The following AFG2A variants were observed in gnomAD, a reference collection of about 807,000 sequenced individuals.
AFG2A encodes AAA ATPase AFG2A, also known as ATPase family gene 2 protein homolog A.
At chr4:123,096,170 G>A in the AFG2A span, among the ~76,000 whole-genome samples, 2 of 152,002 alleles carry the variant, frequency 1.3e-5, no homozygotes, top group East Asian at 1.9e-4. Flanking sequence ...CTAAGTCCCC[G>A]AGGCTTTTTT....
the AFG2A span, among the ~76,000 whole-genome samples, chr4:123,168,484 A>G: frequency 6.6e-6 from 1 of 152,126 alleles, no homozygotes; most frequent in Non-Finnish European, 1.5e-5. Context: ...GAAACATGCC[A>G]TTTCTCCTAG....
At chr4:123,014,672 G>GA in the AFG2A span, among the ~76,000 whole-genome samples, 2 of 151,428 alleles carry the variant, frequency 1.3e-5, no homozygotes, top group African/African-American at 4.9e-5. Context: ...TATACAGTTT[G>GA]AAAAAAAATT....
chr4:122,924,790 C>G, the AFG2A span, among the ~76,000 whole-genome samples: 1 of 151,898 alleles, frequency 6.6e-6, no homozygotes, highest in Admixed American at 6.6e-5. Flanking sequence ...GTGGTGAAGA[C>G]TTTAAAATTT....
the AFG2A span, among the ~76,000 whole-genome samples, chr4:123,045,805 T>C: frequency 7.9e-5 from 12 of 152,200 alleles, no homozygotes; most frequent in East Asian, 1.5e-3. Context: ...TATATAAATA[T>C]CCTGTTTTGG....
At chr4:122,923,116 C>T in the AFG2A span, 2 of 1,612,662 alleles carry the variant, frequency 1.2e-6, no homozygotes, top group African/African-American at 1.3e-5. Flanking sequence ...GGCTTTTCTA[C>T]TGCTTCGGCT....
At chr4:122,989,658 G>T in the AFG2A span, among the ~76,000 whole-genome samples, 1 of 152,054 alleles carries the variant, frequency 6.6e-6, no homozygotes, top group Non-Finnish European at 1.5e-5. Flanking sequence ...AGTCTGCAGG[G>T]ATCCATCCTG....
the AFG2A span, among the ~76,000 whole-genome samples, chr4:123,008,360 C>T: frequency 6.6e-6 from 1 of 152,182 alleles, no homozygotes; most frequent in African/African-American, 2.4e-5. Flanking sequence ...ACAATCCAGA[C>T]AGCTCTCACC....
At chr4:123,118,328 T>C in the AFG2A span, among the ~76,000 whole-genome samples, 1 of 94,176 alleles carries the variant, frequency 1.1e-5, no homozygotes, top group Non-Finnish European at 2.3e-5. Context: ...ATATTATATA[T>C]AATATATATA....
chr4:122,960,766 T>G, the AFG2A span, among the ~76,000 whole-genome samples: 4 of 152,232 alleles, frequency 2.6e-5, no homozygotes, highest in Non-Finnish European at 5.9e-5. Flanking sequence ...TGTCCAGTGT[T>G]CTGAGATATT....
the AFG2A span, among the ~76,000 whole-genome samples, chr4:123,123,593 A>C: frequency 6.6e-6 from 1 of 152,168 alleles, no homozygotes; most frequent in Non-Finnish European, 1.5e-5. Flanking sequence ...CCATCAGAGA[A>C]ATGCAAATCA....
the AFG2A span, among the ~76,000 whole-genome samples, chr4:123,223,010 T>G: frequency 6.6e-6 from 1 of 152,204 alleles, no homozygotes; most frequent in African/African-American, 2.4e-5. Context: ...AGGGTGCTAA[T>G]ATGTCTTTGA....
the AFG2A span, among the ~76,000 whole-genome samples, chr4:123,008,042 AT>A: frequency 2.0e-5 from 3 of 152,084 alleles, no homozygotes; most frequent in African/African-American, 7.2e-5. Flanking sequence ...TTGCTATAGA[AT>A]TTAGTATTGC....
At chr4:123,080,742 T>C in the AFG2A span, among the ~76,000 whole-genome samples, 2 of 152,170 alleles carry the variant, frequency 1.3e-5, no homozygotes, top group African/African-American at 4.8e-5. Context: ...AAAGTTTTTT[T>C]CATCCGGTGA....
chr4:122,951,307 T>C, the AFG2A span, among the ~76,000 whole-genome samples: 1 of 152,108 alleles, frequency 6.6e-6, no homozygotes, highest in East Asian at 1.9e-4. Context: ...ATAGGCTACA[T>C]GCAAATACTG....
chr4:123,020,496 G>A, the AFG2A span, among the ~76,000 whole-genome samples: 1 of 151,670 alleles, frequency 6.6e-6, no homozygotes, highest in African/African-American at 2.4e-5. Context: ...AGCCTCCCGA[G>A]TAGCGGAGTT....
chr4:123,036,742 A>G, the AFG2A span, among the ~76,000 whole-genome samples: 2 of 152,190 alleles, frequency 1.3e-5, no homozygotes, highest in South Asian at 4.1e-4. Context: ...AATAGAATGA[A>G]TGAATTTGGG....
chr4:123,051,262 A>G, the AFG2A span, among the ~76,000 whole-genome samples: 4 of 151,018 alleles, frequency 2.6e-5, no homozygotes, highest in African/African-American at 7.3e-5. Flanking sequence ...TAGTGTATAT[A>G]TTATAGTTTT....
chr4:123,209,308 G>A, the AFG2A span, among the ~76,000 whole-genome samples: 1 of 152,142 alleles, frequency 6.6e-6, no homozygotes, highest in Non-Finnish European at 1.5e-5. Flanking sequence ...CCTATCAGGT[G>A]TATGTTGCAG....
chr4:123,204,402 G>C, the AFG2A span, among the ~76,000 whole-genome samples: 1 of 152,160 alleles, frequency 6.6e-6, no homozygotes, highest in African/African-American at 2.4e-5. Flanking sequence ...TCATATTCTA[G>C]TAGGTATGTA....
Sources: allele counts gnomAD v4.1 joint callset (sites outside exome capture counted in the v4.1 genomes callset), GRCh38; gene constraint gnomAD v4.1.1; transcripts MANE v1.5; gene names NCBI Gene and HGNC (gene_info 2026-07-23, HGNC 2026-07-21).